The following SORCS3 variants were observed in gnomAD, a reference collection of about 807,000 sequenced individuals.
SORCS3 encodes VPS10 domain-containing receptor SorCS3.
A neutral mutation model predicts 146.3 loss-of-function variants in SORCS3; 57 were observed. That is an observed-to-expected ratio of 0.39 (90% CI 0.31 to 0.49). The LOEUF (loss-of-function observed/expected upper bound fraction) is 0.49. SORCS3 is among the 20% of genes least tolerant of loss of function. The probability of loss-of-function intolerance (pLI) is 0.92; values close to 1 mark genes in which losing one functional copy is unlikely to be tolerated. For missense variants in SORCS3, 1,341 were observed against 1,575.5 expected (o/e 0.85, Z 2.52); for synonymous variants, 653 against 618.5 (o/e 1.06, Z -0.83).
intron 1 of SORCS3, among the ~76,000 whole-genome samples, chr10:104,717,620 A>G (rs756370077): frequency 6.6e-6 from 1 of 152,184 alleles, no homozygotes; most frequent in Non-Finnish European, 1.5e-5. Context: ...GGCAGTGACA[A>G]GTAGGAGACC....
At chr10:105,189,763 G>A (rs1208672592) in intron 14 of SORCS3, among the ~76,000 whole-genome samples, 1 of 152,154 alleles carries the variant, frequency 6.6e-6, no homozygotes, top group Non-Finnish European at 1.5e-5. Context: ...GCTAGCATGT[G>A]AAAAGGTTGG....
intron 1 of SORCS3, among the ~76,000 whole-genome samples, chr10:104,715,020 A>G (rs1331787885): frequency 5.9e-5 from 9 of 152,178 alleles, no homozygotes; most frequent in Admixed American, 5.2e-4. Flanking sequence ...GTGTTGTATT[A>G]CCACCTGTGC....
chr10:104,803,843 C>A (rs1460256219), intron 1 of SORCS3, among the ~76,000 whole-genome samples: 2 of 152,122 alleles, frequency 1.3e-5, no homozygotes, highest in African/African-American at 4.8e-5. Flanking sequence ...TTGGAGAGTC[C>A]TCTGCCTCCT....
intron 1 of SORCS3, among the ~76,000 whole-genome samples, chr10:104,652,381 G>T (rs1399963901): frequency 1.3e-5 from 2 of 152,138 alleles, no homozygotes; most frequent in Non-Finnish European, 2.9e-5. Context: ...GTCATTTCTT[G>T]ATGGGTAAAA....
At chr10:104,720,814 G>C (rs2016538689) in intron 1 of SORCS3, among the ~76,000 whole-genome samples, 1 of 152,204 alleles carries the variant, frequency 6.6e-6, no homozygotes, top group Non-Finnish European at 1.5e-5. Context: ...CCCACTTGTT[G>C]ATGGGGTTGT....
chr10:105,013,226 C>T (rs2055145217), intron 4 of SORCS3, among the ~76,000 whole-genome samples: 1 of 151,994 alleles, frequency 6.6e-6, no homozygotes, highest in African/African-American at 2.4e-5. Flanking sequence ...TATTAGCAAA[C>T]TAGGAGATGA....
intron 25 of SORCS3, among the ~76,000 whole-genome samples, chr10:105,261,057 G>A (rs991086685): frequency 5.9e-5 from 9 of 152,200 alleles, no homozygotes; most frequent in African/African-American, 1.7e-4. Flanking sequence ...GCCAAACACT[G>A]TGCTAAGTCG....
intron 8 of SORCS3, among the ~76,000 whole-genome samples, chr10:105,146,571 A>G (rs1035518061): frequency 1.5e-4 from 23 of 152,004 alleles, no homozygotes; most frequent in Admixed American, 2.0e-4. Flanking sequence ...CAAGCTAAAC[A>G]TTTGTGATTC....
At position 105,106,719 on chromosome 10, in the gene SORCS3, C is replaced by T. The variant is rs146089565; in HGVS notation, c.1212+1204C>T. On this transcript the variant is annotated intron_variant, in intron 7 of 26. Transcript: ENST00000369701. ...GAAAAGTAGCTAGCCACTCAAAAAC[C>T]ATCTTCGATGAGGGAGTGAAACAGG... Among the ~76,000 whole-genome samples, 347 of 152,242 alleles carry T rather than the reference C, an allele frequency of 2.3e-3. 3 individuals carry two copies. Among genetic ancestry groups the T allele is most frequent in the African/African-American group, 7.7e-3 (322 of 41,558 alleles).
At chr10:104,904,062 C>T (rs1209662553) in intron 2 of SORCS3, among the ~76,000 whole-genome samples, 1 of 152,030 alleles carries the variant, frequency 6.6e-6, no homozygotes, top group Non-Finnish European at 1.5e-5. Flanking sequence ...ATATGTATTG[C>T]TAGATATAAC....
intron 14 of SORCS3, among the ~76,000 whole-genome samples, chr10:105,184,849 G>A (rs1191438358): frequency 6.6e-6 from 1 of 152,054 alleles, no homozygotes; most frequent in Non-Finnish European, 1.5e-5. Flanking sequence ...TCCTCTTGAT[G>A]TATTTTAAAG....
intron 3 of SORCS3, among the ~76,000 whole-genome samples, chr10:104,971,513 GAGAAGCAGT>G (rs572195047): frequency 7.7e-4 from 118 of 152,332 alleles, no homozygotes; most frequent in African/African-American, 2.3e-3. Flanking sequence ...GGGTATACCA[GAGAAGCAGT>G]AGGGCTGGAA....
intron 3 of SORCS3, among the ~76,000 whole-genome samples, chr10:104,939,848 G>A (rs2019294270): frequency 1.3e-5 from 2 of 151,970 alleles, no homozygotes; most frequent in African/African-American, 2.4e-5. Context: ...TCAGGAGCTC[G>A]AGCCCGTAAT....
At chr10:104,926,216 C>G (rs575946212) in intron 3 of SORCS3, among the ~76,000 whole-genome samples, 32 of 152,366 alleles carry the variant, frequency 2.1e-4, no homozygotes, top group African/African-American at 7.7e-4. Flanking sequence ...GCCACTTTCT[C>G]TTTCCCCATC....
chr10:104,757,857 A>AC (rs5787547), intron 1 of SORCS3, among the ~76,000 whole-genome samples: 9 of 65,108 alleles, frequency 1.4e-4, no homozygotes, highest in Non-Finnish European at 2.1e-4. Flanking sequence ...CACTGCCACC[A>AC]CCCCCCCCCC....
At chr10:104,998,842 C>T (rs763859637) in intron 4 of SORCS3, among the ~76,000 whole-genome samples, 3 of 152,102 alleles carry the variant, frequency 2.0e-5, no homozygotes, top group African/African-American at 4.8e-5. Context: ...TATCTTTACT[C>T]GTTAAGTCAC....
chr10:104,757,786 AT>A (rs1382024482), intron 1 of SORCS3, among the ~76,000 whole-genome samples: 1 of 150,620 alleles, frequency 6.6e-6, no homozygotes, highest in Non-Finnish European at 1.5e-5. Flanking sequence ...AGGTGTTTTC[AT>A]TTTCTCTGGG....
chr10:104,713,854 T>C (rs1016140719), intron 1 of SORCS3, among the ~76,000 whole-genome samples: 1 of 152,328 alleles, frequency 6.6e-6, no homozygotes, highest in East Asian at 1.9e-4. Context: ...CTTCAGTGAT[T>C]GGTAGAATTC....
At chr10:105,224,342 C>T (rs1390782542) in intron 20 of SORCS3, among the ~76,000 whole-genome samples, 1 of 152,164 alleles carries the variant, frequency 6.6e-6, no homozygotes, top group Non-Finnish European at 1.5e-5. Flanking sequence ...ATATAGTATG[C>T]ACTGTTTTCA....
Sources: gnomAD v4.1 joint callset for allele counts (sites outside exome capture counted in the v4.1 genomes callset) on GRCh38, gnomAD v4.1.1 for gene constraint, MANE v1.5 for transcripts, NCBI Gene and HGNC (gene_info 2026-07-23, HGNC 2026-07-21) for gene names.